Variants in LZTS1 observed in about 807,000 individuals in gnomAD.
LZTS1 encodes the protein leucine zipper tumor suppressor 1.
Under a neutral mutation model 45.8 loss-of-function variants are expected in LZTS1, and 31 were observed. The observed-to-expected ratio is 0.68, with a 90% CI of 0.51 to 0.91. The LOEUF (loss-of-function observed/expected upper bound fraction) is 0.91. LZTS1 is among the 40% of genes least tolerant of loss of function. LZTS1 has a pLI of 0.00. For synonymous variants in LZTS1, 359 were observed against 357.3 expected (o/e 1.00, Z -0.05); for missense variants, 821 against 788.9 (o/e 1.04, Z -0.49).
At chr8:20,255,354 A>G in intron 1 of LZTS1, 39 bp from the exon 2 acceptor site, 1 of 1,382,158 alleles carries the variant, frequency 7.2e-7, no homozygotes, top group Non-Finnish European at 9.5e-7. Flanking sequence ...CGTGGGTGGG[A>G]GTGGTCACAG....
chr8:20,285,810 T>G (rs572836084), intron 1 of LZTS1, among the ~76,000 whole-genome samples: 14 of 152,322 alleles, frequency 9.2e-5, no homozygotes, highest in African/African-American at 3.1e-4. Context: ...AACAATGTGG[T>G]ATTGATACAG....
At chr8:20,255,894 G>A (rs1470979078) in intron 1 of LZTS1, among the ~76,000 whole-genome samples, 1 of 151,724 alleles carries the variant, frequency 6.6e-6, no homozygotes, top group Non-Finnish European at 1.5e-5. Context: ...GTGCAACTTA[G>A]AGAAACCCCA....
chr8:20,268,583 G>A lies in LZTS1; in HGVS notation c.-134-13268C>T, dbSNP rs568104637. Reference sequence around the variant, plus strand: ...GCCTTTGAGCTAGTTAATCATCTCAGCCCAGGCTGCAAACCTCCCCGTGCT... The same window carrying A: ...GCCTTTGAGCTAGTTAATCATCTCAACCCAGGCTGCAAACCTCCCCGTGCT... On this transcript the variant is annotated intron_variant, in intron 1 of 3. Transcript: ENST00000381569. 3.3e-5 allele frequency among the ~76,000 whole-genome samples: 5 copies of A among 152,262 alleles called. No individual in the cohort carries two copies. The East Asian group carries it at 9.7e-4, about 29-fold the overall frequency.
At chr8:20,299,729 C>T (rs1332693826) in intron 1 of LZTS1, among the ~76,000 whole-genome samples, 3 of 151,764 alleles carry the variant, frequency 2.0e-5, no homozygotes, top group South Asian at 2.1e-4. Context: ...TTGACTGCGT[C>T]GCCTCGGAGA....
At chr8:20,275,297 G>A (rs985008296) in intron 1 of LZTS1, among the ~76,000 whole-genome samples, 2 of 151,458 alleles carry the variant, frequency 1.3e-5, no homozygotes, top group African/African-American at 4.9e-5. Flanking sequence ...AGCTACTTGG[G>A]ATGCTGAGGC....
chr8:20,296,782 C>T (rs1800986169), intron 1 of LZTS1, among the ~76,000 whole-genome samples: 1 of 152,170 alleles, frequency 6.6e-6, no homozygotes, highest in Admixed American at 6.5e-5. Context: ...TCTTCTCCCA[C>T]AATGATTAAC....
chr8:20,262,883 A>G (rs974850081), intron 1 of LZTS1, among the ~76,000 whole-genome samples: 1 of 152,196 alleles, frequency 6.6e-6, no homozygotes. Context: ...ATATGAGTTT[A>G]AAACCCCAGT....
rs1221681558 is a variant in LZTS1 at position 20,253,166 on chromosome 8, G to C, written c.765C>G (p.Pro255=). The C allele has an allele frequency of 6.2e-7, 1 of 1,613,292 alleles. No individual in the cohort carries two copies. The highest frequency in any genetic ancestry group is 1.1e-5 in the South Asian group (1 of 91,080). ...GGATGCTGCACTCGTCCGTGGAGAT[G>C]GGGGAGCGGACACACGAGGGGCCCT... ...ADKGPSCVRS[P]ISTDECSIQE... Residue 255 remains proline (P), a synonymous_variant, in exon 3 of 4, where the codon CCC becomes CCG. Coordinates refer to ENST00000381569, the MANE Select transcript of LZTS1 (RefSeq NM_021020.5).
chr8:20,258,188 T>A (rs1024885366), intron 1 of LZTS1, among the ~76,000 whole-genome samples: 2 of 152,096 alleles, frequency 1.3e-5, no homozygotes, highest in Admixed American at 6.5e-5. Flanking sequence ...AAGACAGATA[T>A]CCAATTAAGA....
In LZTS1 at chr8:20,254,949, T is replaced by C. The variant is rs1421593446; in HGVS notation, c.233A>G (p.His78Arg). The C allele has an allele frequency of 5.0e-6, 8 of 1,614,202 alleles. No individual in the cohort carries two copies. The highest frequency in any genetic ancestry group is 6.8e-6 in the Non-Finnish European group (8 of 1,180,034). ...GGACAGTGCCGTGTAATCTGGGTGA[T>C]GGGAGCCCCGGGCTTTCTGGCTGAC... ...IKVSQKARGS[H>R]HPDYTALSSG... is the part of the protein sequence containing the mutation. Residue 78 changes from histidine (H) to arginine (R), a missense_variant, in exon 2 of 4, where the codon CAT becomes CGT. Physicochemically the swap from His to Arg is conservative, Grantham distance 29. Coordinates refer to ENST00000381569, the MANE Select transcript of LZTS1 (RefSeq NM_021020.5).
chr8:20,279,758 G>T (rs1800652239), intron 1 of LZTS1, among the ~76,000 whole-genome samples: 1 of 151,272 alleles, frequency 6.6e-6, no homozygotes, highest in Admixed American at 6.6e-5. Context: ...AGGCCAAAGT[G>T]AGCAGATCGC....
chr8:20,275,543 A>G (rs1289013176), intron 1 of LZTS1, among the ~76,000 whole-genome samples: 1 of 151,900 alleles, frequency 6.6e-6, no homozygotes, highest in East Asian at 1.9e-4. Context: ...GAAAAAATCT[A>G]AGAAGGCATA....
chr8:20,265,676 C>CAAAAAAAA lies in LZTS1; in HGVS notation c.-134-10369_-134-10362dup, dbSNP rs71222140. On this transcript the variant is annotated intron_variant, in intron 1 of 3. Transcript: ENST00000381569. ...CCTGGGCAACAGAGAGACTCTGTCT[C>CAAAAAAAA]AAAAAAAAAAAAAAAAAAAAAAAAA... Among the ~76,000 whole-genome samples the CAAAAAAAA allele has an allele frequency of 5.6e-4, 24 of 42,980 alleles. 3 individuals are homozygous for CAAAAAAAA. Among genetic ancestry groups the CAAAAAAAA allele is most frequent in the East Asian group, 4.8e-3 (5 of 1,042 alleles). 28.2% of individuals were successfully genotyped at this position (42,980 alleles called of 152,430 possible). A position where few individuals can be genotyped will look rare whatever the true frequency, so the allele number is the denominator to read the frequency against.
intron 1 of LZTS1, 62 bp downstream of exon 1, chr8:20,303,678 T>A: frequency 1.0e-6 from 1 of 985,034 alleles, no homozygotes; most frequent in Non-Finnish European, 1.2e-6. Flanking sequence ...GGAAAGCGGT[T>A]TCCCGCAGCC....
intron 1 of LZTS1, among the ~76,000 whole-genome samples, chr8:20,295,855 G>GC (rs1192522431): frequency 6.6e-6 from 1 of 151,866 alleles, no homozygotes; most frequent in Non-Finnish European, 1.5e-5. Context: ...CACCTATAAT[G>GC]CCCCCCCAAT....
intron 1 of LZTS1, among the ~76,000 whole-genome samples, chr8:20,292,717 AC>A (rs1183738400): frequency 6.6e-6 from 1 of 152,090 alleles, no homozygotes; most frequent in Non-Finnish European, 1.5e-5. Flanking sequence ...CCTGGGGCAA[AC>A]CTGCCTACCA....
At chr8:20,300,282 C>G (rs1238757339) in intron 1 of LZTS1, among the ~76,000 whole-genome samples, 4 of 152,198 alleles carry the variant, frequency 2.6e-5, no homozygotes, top group African/African-American at 7.2e-5. Context: ...CCTTATTAAA[C>G]AAGCATTTAC....
chr8:20,280,268 G>A (rs1454670070), intron 1 of LZTS1, among the ~76,000 whole-genome samples: 3 of 152,182 alleles, frequency 2.0e-5, no homozygotes, highest in Non-Finnish European at 4.4e-5. Context: ...CATCTGCCCA[G>A]TAATAGTGCT....
At chr8:20,278,127 C>T (rs1800620535) in intron 1 of LZTS1, among the ~76,000 whole-genome samples, 1 of 152,136 alleles carries the variant, frequency 6.6e-6, no homozygotes, top group Non-Finnish European at 1.5e-5. Context: ...TTGGTCACAG[C>T]TGGTGCCAGG....
Sources: gnomAD v4.1 joint callset for allele counts (sites outside exome capture counted in the v4.1 genomes callset) on GRCh38, gnomAD v4.1.1 for gene constraint, MANE v1.5 for transcripts, NCBI Gene and HGNC (gene_info 2026-07-23, HGNC 2026-07-21) for gene names.